BCL11B: variants seen among roughly 807,000 people sequenced by gnomAD.
BCL11B encodes BCL11 transcription factor B.
Under a neutral mutation model 49.9 loss-of-function variants are expected in BCL11B, and 8 were observed. The ratio of observed to expected loss-of-function variants is 0.16; its 90% CI spans 0.09 to 0.29. The LOEUF (loss-of-function observed/expected upper bound fraction) is 0.29, where lower values mean the gene tolerates loss of function less well. BCL11B is among the 10% of genes least tolerant of loss of function. The probability of loss-of-function intolerance (pLI) is 1.00; values close to 1 mark genes in which losing one functional copy is unlikely to be tolerated. For synonymous variants in BCL11B, 739 were observed against 637.4 expected (o/e 1.16, Z -2.40); for missense variants, 1,006 against 1,351.0 (o/e 0.74, Z 4.00).
rs965481917 is a variant in BCL11B, at chr14:99,170,941, G to A, written c.*3210C>T. On this transcript the variant is annotated 3_prime_UTR_variant, in exon 4 of 4. Coordinates refer to ENST00000357195, the MANE Select transcript of BCL11B (RefSeq NM_138576.4). ...TTTGCATTGCTTTCTGCTGGTAAGG[G>A]CGGGAGAGGTGGTGGTGGTGACCGC... The A allele has an allele frequency of 2.6e-5, 6 of 232,484 alleles. No homozygotes were observed. The highest frequency in any genetic ancestry group is 5.6e-5 in the Admixed American group (1 of 17,748). The allele number at this position is 232,484 out of a possible 1,614,324, so 14.4% of individuals were successfully genotyped here.
Position 99,176,035 on chromosome 14 carries a change from C to G in BCL11B, c.801G>C (p.Pro267=). 3 of 1,585,202 alleles carry G rather than the reference C, an allele frequency of 1.9e-6. No individual in the cohort carries two copies. The highest frequency in any genetic ancestry group is 2.6e-6 in the Non-Finnish European group (3 of 1,165,756). The part of the protein sequence containing the change: ...SSLTPRLTIP[P]PLGPEAVAQS... The stretch of plus-strand genomic sequence containing the variant: ...GCGCCACGGCCTCCGGCCCGAGCGG[C>G]GGCGGGATGGTGAGCCGCGGCGTGA... The change falls in exon 4 of 4, where the codon CCG becomes CCC. Residue 267 remains proline (P), a synonymous_variant. Transcript: ENST00000357195.
intron 2 of BCL11B, among the ~76,000 whole-genome samples, chr14:99,250,349 A>G (rs1025018379): frequency 6.6e-6 from 1 of 151,382 alleles, no homozygotes; most frequent in African/African-American, 2.4e-5. Context: ...AATCTCTTGA[A>G]CCTAGGAGGC....
intron 3 of BCL11B, among the ~76,000 whole-genome samples, chr14:99,202,932 G>A (rs1442322560): frequency 1.3e-5 from 2 of 152,210 alleles, no homozygotes; most frequent in Non-Finnish European, 2.9e-5. Flanking sequence ...CAAGAATCCA[G>A]GGCCTCACAG....
intron 3 of BCL11B, among the ~76,000 whole-genome samples, chr14:99,217,174 A>G (rs1887866951): frequency 6.6e-6 from 1 of 152,202 alleles, no homozygotes; most frequent in Non-Finnish European, 1.5e-5. Context: ...ACAAATATGT[A>G]TATATACCCT....
rs1887113225 is a variant in BCL11B at position 99,194,097 on chromosome 14, C to T, written c.641-17902G>A. Among the ~76,000 whole-genome samples the T allele has an allele frequency of 6.6e-6, 1 of 152,162 alleles. No individual in the cohort carries two copies. The highest frequency in any genetic ancestry group is 2.4e-5 in the African/African-American group (1 of 41,418). The stretch of plus-strand genomic sequence containing the variant: ...GTGATTTTGCAAGGAATGGGAATGT[C>T]GTGAGAAACGTGCATGACCCCACAC... On this transcript the variant is annotated intron_variant, in intron 3 of 3. Transcript: ENST00000357195. The surrounding 1 kb of genome is among the most constrained non-coding windows in gnomAD (Gnocchi z 4.6).
rs1374400457 is a variant in BCL11B, at chr14:99,172,125, GAC to G, written c.*2024_*2025del. Reference sequence around the variant, plus strand: ...CCCAATACTGTAAACGTATTTTTAAGACAGAGTGCACTAAATTTAACTTTAGA... The same window carrying G: ...CCCAATACTGTAAACGTATTTTTAAGAGAGTGCACTAAATTTAACTTTAGA... On this transcript the variant is annotated 3_prime_UTR_variant, in exon 4 of 4. Coordinates refer to ENST00000357195, the MANE Select transcript of BCL11B (RefSeq NM_138576.4). 2 of 219,578 alleles carry G rather than the reference GAC, an allele frequency of 9.1e-6. No homozygotes were observed. Among genetic ancestry groups the G allele is most frequent in the African/African-American group, 4.5e-5 (2 of 44,380 alleles). 13.6% of individuals were successfully genotyped at this position (219,578 alleles called of 1,614,324 possible). A position where few individuals can be genotyped will look rare whatever the true frequency, so the allele number is the denominator to read the frequency against.
At chr14:99,235,265 C>T (rs973771757) in intron 2 of BCL11B, among the ~76,000 whole-genome samples, 1 of 152,190 alleles carries the variant, frequency 6.6e-6, no homozygotes, top group African/African-American at 2.4e-5. Flanking sequence ...ATTTTTCTCC[C>T]TACTGGTGCC....
At chr14:99,201,926 G>T (rs1198837814) in intron 3 of BCL11B, among the ~76,000 whole-genome samples, 1 of 152,168 alleles carries the variant, frequency 6.6e-6, no homozygotes, top group South Asian at 2.1e-4. Context: ...AGGCTCCAAA[G>T]GGGGTCCTTG....
intron 3 of BCL11B, among the ~76,000 whole-genome samples, chr14:99,221,599 G>C (rs763991988): frequency 3.9e-5 from 6 of 152,278 alleles, no homozygotes; most frequent in Non-Finnish European, 8.8e-5. Flanking sequence ...GCCAGGACCA[G>C]ACGCAAGGAC....
In BCL11B at chr14:99,213,409, G is replaced by A. The variant is rs1427066253; in HGVS notation, c.640+17936C>T. Among the ~76,000 whole-genome samples, 3 of 152,146 alleles carry A rather than the reference G, an allele frequency of 2.0e-5. No homozygotes were observed. The highest frequency in any genetic ancestry group is 2.9e-5 in the Non-Finnish European group (2 of 68,030). On this transcript the variant is annotated intron_variant, in intron 3 of 3. Transcript: ENST00000357195. This position sits in a 1 kb window ranked among gnomAD's most constrained non-coding sequence, Gnocchi z 5.1. ...TAATTGAATGGATTAACATGAATGC[G>A]ACGTTTCCCCTCCAAAAATTCGAGG...
intron 1 of BCL11B, among the ~76,000 whole-genome samples, chr14:99,270,263 T>A (rs1234861820): frequency 6.6e-6 from 1 of 152,096 alleles, no homozygotes; most frequent in African/African-American, 2.4e-5. Flanking sequence ...TGAAAGATAC[T>A]GAGATAGAAA....
chr14:99,214,219 A>T (rs956606847), intron 3 of BCL11B, among the ~76,000 whole-genome samples: 2 of 151,932 alleles, frequency 1.3e-5, no homozygotes, highest in Non-Finnish European at 2.9e-5. Context: ...ACTGCCCTCC[A>T]CTCCAGATTC....
chr14:99,234,880 A>AAAAAAG lies in BCL11B; in HGVS notation c.428-3324_428-3323insCTTTTT, dbSNP rs143975117. Among the ~76,000 whole-genome samples, 289 of 119,874 alleles carry AAAAAAG rather than the reference A, an allele frequency of 2.4e-3. 6 individuals carry two copies. Among genetic ancestry groups the AAAAAAG allele is most frequent in the Non-Finnish European group, 3.8e-3 (227 of 58,990 alleles). The allele number at this position is 119,874 out of a possible 152,430, so 78.6% of individuals were successfully genotyped here. Reference sequence around the variant, plus strand: ...CAAAAAAAAAAAAAAAAAAAAAAAAAGTCTAAAAATAAGGCCCCTAAAATG... The same window carrying AAAAAAG: ...CAAAAAAAAAAAAAAAAAAAAAAAAAAAAAAGGTCTAAAAATAAGGCCCCTAAAATG... On this transcript the variant is annotated intron_variant, in intron 2 of 3. Coordinates refer to ENST00000357195, the MANE Select transcript of BCL11B (RefSeq NM_138576.4).
At chr14:99,191,710 A>T (rs1413347115) in intron 3 of BCL11B, among the ~76,000 whole-genome samples, 2 of 149,848 alleles carry the variant, frequency 1.3e-5, no homozygotes, top group Non-Finnish European at 3.0e-5. Context: ...CCCTGCCCGC[A>T]GCCCTCCACC....
Position 99,271,298 on chromosome 14 carries a change from G to GTGCCGCTGC in BCL11B, c.-81_-80insGCAGCGGCA. The GTGCCGCTGC allele has an allele frequency of 1.1e-6, 1 of 885,080 alleles. No individual in the cohort carries two copies. Among genetic ancestry groups the GTGCCGCTGC allele is most frequent in the Non-Finnish European group, 1.5e-6 (1 of 675,882 alleles). 54.8% of individuals were successfully genotyped at this position (885,080 alleles called of 1,614,324 possible). On this transcript the variant is annotated 5_prime_UTR_variant, in exon 1 of 4. Transcript: ENST00000357195. ...GGGGGAGGGGGTCCGAGCCGCCGCC[G>GTGCCGCTGC]CGCCGCTGCCGCCGCTGCCGCCGCC...
rs374220831 is a variant in BCL11B, at chr14:99,224,383, G to A, written c.640+6962C>T. ...TGGGGGAGTGCCTCTTCTTGGGAGC[G>A]TTACAACGATGAGATGTCATGCCTA... On this transcript the variant is annotated intron_variant, in intron 3 of 3. Transcript: ENST00000357195. 5.9e-5 allele frequency among the ~76,000 whole-genome samples: 9 copies of A among 152,144 alleles called. No individual in the cohort carries two copies. The South Asian group carries it at 6.2e-4, about 11-fold the overall frequency.
Position 99,176,165 on chromosome 14 carries a change from G to C in BCL11B, c.671C>G (p.Thr224Arg), listed in dbSNP as rs1360231300. The C allele has an allele frequency of 6.2e-7, 1 of 1,612,140 alleles. No homozygotes were observed. ...GKDEPSSYIC[T>R]TCKQPFNSAW... is the part of the protein sequence containing the mutation. ...GCTGTTGAAGGGCTGCTTGCATGTT[G>C]TGCAAATGTAGCTGGAAGGCTCATC... The change falls in exon 4 of 4, where the codon ACA (threonine) becomes AGA (arginine). Residue 224 changes from threonine to arginine, a missense_variant. By Grantham distance (71) the Thr-to-Arg change is moderately conservative. Coordinates refer to ENST00000357195, the MANE Select transcript of BCL11B (RefSeq NM_138576.4).
intron 3 of BCL11B, among the ~76,000 whole-genome samples, chr14:99,183,571 G>A (rs1886770849): frequency 6.6e-6 from 1 of 152,054 alleles, no homozygotes; most frequent in South Asian, 2.1e-4. Context: ...ACACCACAGG[G>A]CTTCAGGGTC....
chr14:99,197,809 T>A (rs1887221272), intron 3 of BCL11B, among the ~76,000 whole-genome samples: 1 of 152,074 alleles, frequency 6.6e-6, no homozygotes, highest in South Asian at 2.1e-4. Context: ...GAGGGAGACA[T>A]CCTCACCAAG....
Sources: gnomAD v4.1 joint callset for allele counts (sites outside exome capture counted in the v4.1 genomes callset) on GRCh38, gnomAD v4.1.1 for gene constraint, Gnocchi (gnomAD v3.1) non-coding constraint, MANE v1.5 for transcripts, NCBI Gene and HGNC (gene_info 2026-07-23, HGNC 2026-07-21) for gene names.